ASCC3: variants seen among roughly 807,000 people sequenced by gnomAD.
ASCC3 encodes the protein ASC-1 complex subunit P200.
Under a neutral mutation model 256.3 loss-of-function variants are expected in ASCC3, and 158 were observed. The ratio of observed to expected loss-of-function variants is 0.62; its 90% CI spans 0.54 to 0.70. ASCC3 has a LOEUF of 0.70. Ranked by LOEUF, ASCC3 falls within the 30% of genes least tolerant of loss-of-function variation. ASCC3 has a pLI of 0.00. For synonymous variants in ASCC3, 948 were observed against 883.4 expected, an observed-to-expected ratio of 1.07 and a Z score of -1.30; for missense variants, 2,259 against 2,626.0, an observed-to-expected ratio of 0.86 and a Z score of 3.05.
chr6:100,583,444 CA>C (rs1387249981), intron 36 of ASCC3, among the ~76,000 whole-genome samples: 1 of 152,076 alleles, frequency 6.6e-6, no homozygotes, highest in Non-Finnish European at 1.5e-5. Context: ...TCCCCTTTAT[CA>C]TTTTTTATTG....
At chr6:100,735,880 G>A (rs1046328965) in intron 10 of ASCC3, among the ~76,000 whole-genome samples, 1 of 152,040 alleles carries the variant, frequency 6.6e-6, no homozygotes, top group Non-Finnish European at 1.5e-5. Flanking sequence ...ACATATTTAG[G>A]TGGCTTTTCT....
chr6:100,629,138 T>C lies in ASCC3; in HGVS notation c.4252A>G (p.Ile1418Val). The C allele has an allele frequency of 1.2e-6, 2 of 1,613,764 alleles. No homozygotes were observed. The highest frequency in any genetic ancestry group is 1.7e-6 in the Non-Finnish European group (2 of 1,179,838). ...GTGACGATAAGGTCAGCCTTGGCAA[T>C]GGATTTCATATCAGGAGTCACATCC... ...TGDVTPDMKS[I>V]AKADLIVTTP... Residue 1418 changes from isoleucine to valine, a missense_variant, in exon 27 of 42, where the codon ATT becomes GTT. By Grantham distance (29) the Ile-to-Val change is conservative. Around this residue, in one of 2 missense-constraint regions of ASCC3, gnomAD observed 1,839 missense variants for 2,206.7 expected, o/e 0.83. Transcript: ENST00000369162.
intron 18 of ASCC3, among the ~76,000 whole-genome samples, chr6:100,652,080 G>A (rs1347614469): frequency 1.3e-5 from 2 of 151,986 alleles, no homozygotes; most frequent in African/African-American, 2.4e-5. Flanking sequence ...TATTACTAGT[G>A]AGGACATACA....
intron 34 of ASCC3, among the ~76,000 whole-genome samples, chr6:100,596,256 T>A (rs2114784996): frequency 6.6e-6 from 1 of 152,302 alleles, no homozygotes; most frequent in Non-Finnish European, 1.5e-5. Flanking sequence ...CATAGTAAAT[T>A]TTTCAAAACA....
chr6:100,783,627 C>T (rs189403074), intron 8 of ASCC3, among the ~76,000 whole-genome samples: 86 of 152,224 alleles, frequency 5.6e-4, no homozygotes, highest in Non-Finnish European at 1.0e-3. Context: ...CACATTGTAA[C>T]GTTTAAAGAA....
intron 29 of ASCC3, among the ~76,000 whole-genome samples, chr6:100,627,315 AAC>A (rs1467589050): frequency 6.6e-6 from 1 of 152,164 alleles, no homozygotes; most frequent in Non-Finnish European, 1.5e-5. Context: ...CTATCATAAA[AAC>A]ACTTTGATTA....
chr6:100,630,495 A>G (rs1477574524), intron 26 of ASCC3, among the ~76,000 whole-genome samples: 1 of 141,998 alleles, frequency 7.0e-6, no homozygotes, highest in African/African-American at 2.6e-5. Flanking sequence ...TTTTTTTTTT[A>G]CATTATCTTT....
intron 36 of ASCC3, among the ~76,000 whole-genome samples, chr6:100,580,226 T>A (rs958508208): frequency 6.6e-6 from 1 of 152,092 alleles, no homozygotes; most frequent in African/African-American, 2.4e-5. Context: ...TAGTAACACT[T>A]AAATTGACTA....
rs560350361 is a variant in ASCC3, at chr6:100,848,967, A to G, written c.242-260T>C. Among the ~76,000 whole-genome samples, 5 of 152,182 alleles carry G rather than the reference A, an allele frequency of 3.3e-5. No individual in the cohort carries two copies. The South Asian group carries it at 1.0e-3, about 32-fold the overall frequency. On this transcript the variant is annotated intron_variant, in intron 3 of 41. Coordinates refer to ENST00000369162, the MANE Select transcript of ASCC3 (RefSeq NM_006828.4). ...AAAAATTTTTAAAAATTAGCCAGGT[A>G]TGGTGGTGTGCACCTGTAGTCCCAG...
intron 36 of ASCC3, among the ~76,000 whole-genome samples, chr6:100,542,943 T>A (rs1243404116): frequency 6.6e-6 from 1 of 152,096 alleles, no homozygotes; most frequent in African/African-American, 2.4e-5. Context: ...TATTACTATT[T>A]TAATATCACT....
chr6:100,614,629 C>G (rs1249944095), intron 30 of ASCC3, among the ~76,000 whole-genome samples: 1 of 152,132 alleles, frequency 6.6e-6, no homozygotes, highest in Non-Finnish European at 1.5e-5. Flanking sequence ...AGTCCATCCT[C>G]TCAAGCACAA....
In ASCC3 at chr6:100,651,651, C is replaced by T; in HGVS notation, c.2989-5G>A. The T allele has an allele frequency of 6.7e-7, 1 of 1,493,458 alleles. No individual in the cohort carries two copies. Among genetic ancestry groups the T allele is most frequent in the Non-Finnish European group, 9.2e-7 (1 of 1,088,138 alleles). The allele number at this position is 1,493,458 out of a possible 1,614,324, so 92.5% of individuals were successfully genotyped here. Reference sequence around the variant, plus strand: ...ATCAAAGAGTTCATTAAAGGTCTACCAAAGTAAGTGTTATATTTGATTAAA... The same window carrying T: ...ATCAAAGAGTTCATTAAAGGTCTACTAAAGTAAGTGTTATATTTGATTAAA... On this transcript the variant is annotated splice_polypyrimidine_tract_variant and splice_region_variant and intron_variant, in intron 18 of 41. Transcript: ENST00000369162.
At chr6:100,608,097 C>CATATATATGTATACATATGTATATAT (rs1391815541) in intron 30 of ASCC3, among the ~76,000 whole-genome samples, 1 of 45,026 alleles carries the variant, frequency 2.2e-5, no homozygotes, top group Non-Finnish European at 4.1e-5. Flanking sequence ...TATCTATATA[C>CATATATATGTATACATATGTATATAT]ACATATATAT....
At chr6:100,678,262 C>T (rs1386165714) in intron 14 of ASCC3, among the ~76,000 whole-genome samples, 2 of 152,026 alleles carry the variant, frequency 1.3e-5, no homozygotes, top group Non-Finnish European at 2.9e-5. Context: ...GTCTTTTAAA[C>T]AGCATAGAGT....
intron 1 of ASCC3, among the ~76,000 whole-genome samples, chr6:100,871,184 C>T (rs1344573489): frequency 6.6e-6 from 1 of 151,958 alleles, no homozygotes; most frequent in African/African-American, 2.4e-5. Context: ...CAACCTCCAC[C>T]TCCCAGATTC....
In ASCC3 at chr6:100,633,703, T is replaced by TAA. The variant is rs200692957; in HGVS notation, c.4123-2492_4123-2491dup. ...CAACATGGAGAAACCCCGTCACTAC[T>TAA]AAAAAAAAAAAAATACAAAAATTAG... On this transcript the variant is annotated intron_variant, in intron 25 of 41. Transcript: ENST00000369162. 9.9e-5 allele frequency among the ~76,000 whole-genome samples: 14 copies of TAA among 141,830 alleles called. No individual in the cohort carries two copies. In the East Asian group the frequency reaches 1.2e-3, roughly 12 times the overall value. The allele number at this position is 141,830 out of a possible 152,430, so 93.0% of individuals were successfully genotyped here.
At chr6:100,655,541 G>A (rs1775873623) in intron 17 of ASCC3, among the ~76,000 whole-genome samples, 158 bp downstream of exon 17, 1 of 151,570 alleles carries the variant, frequency 6.6e-6, no homozygotes, top group African/African-American at 2.4e-5. Context: ...ATAACTACAG[G>A]GGCCTATCTA....
At chr6:100,553,145 G>A (rs1464441771) in intron 36 of ASCC3, among the ~76,000 whole-genome samples, 25 of 151,942 alleles carry the variant, frequency 1.6e-4, no homozygotes, top group Admixed American at 1.6e-3. Context: ...GAATACTTAC[G>A]GAGGAGGTTT....
intron 10 of ASCC3, among the ~76,000 whole-genome samples, chr6:100,749,032 T>C (rs1408391925): frequency 6.6e-6 from 1 of 152,060 alleles, no homozygotes; most frequent in East Asian, 1.9e-4. Flanking sequence ...CTGATAAATA[T>C]GAATGTGAGG....
Sources: gnomAD v4.1 joint callset for allele counts (sites outside exome capture counted in the v4.1 genomes callset) on GRCh38, gnomAD v4.1.1 for gene constraint, gnomAD v4.1.1 regional missense constraint, MANE v1.5 for transcripts, NCBI Gene and HGNC (gene_info 2026-07-23, HGNC 2026-07-21) for gene names.